RALGAPA1: variants seen among roughly 807,000 people sequenced by gnomAD.
RALGAPA1 encodes Ral GTPase activating protein catalytic subunit alpha 1.
A neutral mutation model predicts 269.6 loss-of-function variants in RALGAPA1; 52 were observed. The observed-to-expected ratio is 0.19, with a 90% CI of 0.15 to 0.24. The LOEUF (loss-of-function observed/expected upper bound fraction) is 0.24. Ranked by LOEUF, RALGAPA1 falls within the 10% of genes least tolerant of loss-of-function variation. The pLI, the probability that RALGAPA1 is intolerant of heterozygous loss-of-function variation, is 1.00. For missense variants in RALGAPA1, 1,917 were observed against 3,013.9 expected (o/e 0.64, Z 8.52); for synonymous variants, 817 against 1,008.3 (o/e 0.81, Z 3.60).
chr14:35,780,431 T>C (rs950449494), intron 1 of RALGAPA1, among the ~76,000 whole-genome samples: 6 of 152,174 alleles, frequency 3.9e-5, no homozygotes, highest in African/African-American at 7.2e-5. Flanking sequence ...TCTTTTCAAA[T>C]GCACATGGTA....
chr14:35,714,648 A>T (rs2068649673), intron 16 of RALGAPA1, among the ~76,000 whole-genome samples: 2 of 152,160 alleles, frequency 1.3e-5, no homozygotes, highest in South Asian at 2.1e-4. Context: ...TAATTCCAAA[A>T]TTACTATATT....
intron 39 of RALGAPA1, among the ~76,000 whole-genome samples, chr14:35,552,818 A>C (rs2055156778): frequency 6.6e-6 from 1 of 152,184 alleles, no homozygotes; most frequent in African/African-American, 2.4e-5. Flanking sequence ...AAAGGGGGGA[A>C]GGAATATTAT....
At position 35,688,667 on chromosome 14, in the gene RALGAPA1, TTGAC is replaced by T; in HGVS notation, c.3740_3743del (p.Ser1247AsnfsTer2). The T allele has an allele frequency of 2.0e-6, 3 of 1,499,582 alleles. No homozygotes were observed. Among genetic ancestry groups the T allele is most frequent in the Non-Finnish European group, 1.8e-6 (2 of 1,131,852 alleles). 92.9% of individuals were successfully genotyped at this position (1,499,582 alleles called of 1,614,324 possible). A position where few individuals can be genotyped will look rare whatever the true frequency, so the allele number is the denominator to read the frequency against. On this transcript the variant is annotated frameshift_variant, in exon 18 of 42. Coordinates refer to ENST00000680220, the MANE Select transcript of RALGAPA1 (RefSeq NM_001346249.2). LOFTEE classifies it high-confidence loss of function. ...ACCTAAGAGTACTACGACTACCTAA[TTGAC>T]TACTTGCAATTCCTTCTTTTTGTAA... is the stretch of plus-strand genomic sequence containing the variant.
At chr14:35,783,586 A>C (rs2075599566) in intron 1 of RALGAPA1, among the ~76,000 whole-genome samples, 1 of 152,220 alleles carries the variant, frequency 6.6e-6, no homozygotes. Flanking sequence ...ATCAAAATTC[A>C]AAACCTTTTT....
chr14:35,722,312 T>C (rs1202240498), intron 15 of RALGAPA1, among the ~76,000 whole-genome samples: 2 of 152,200 alleles, frequency 1.3e-5, no homozygotes, highest in East Asian at 3.8e-4. Flanking sequence ...CAACTAATAT[T>C]TAACAATGCA....
At chr14:35,592,978 A>G (rs1304320154) in intron 37 of RALGAPA1, among the ~76,000 whole-genome samples, 1 of 152,188 alleles carries the variant, frequency 6.6e-6, no homozygotes. Flanking sequence ...CACCTATTCA[A>G]GATAGTACTG....
rs564559702 is a variant in RALGAPA1, at chr14:35,678,052, T to A, written c.4522A>T (p.Thr1508Ser). The change falls in exon 22 of 42, where the codon ACT (threonine) becomes TCT (serine). Residue 1508 changes from threonine (T) to serine (S), a missense_variant. This residue lies in a region of RALGAPA1 where 615 missense variants were observed against 790.0 expected (regional missense o/e 0.78). Coordinates refer to ENST00000680220, the MANE Select transcript of RALGAPA1 (RefSeq NM_001346249.2). ...ATATTCAATGTAGAAGGGGAAGGAGTCTGTGACCTGGAGCCCAGAGGTGAG... is the reference window on the plus strand; with the variant it reads ...ATATTCAATGTAGAAGGGGAAGGAGACTGTGACCTGGAGCCCAGAGGTGAG... ...VHSPLGSRSQ[T>S]PSPSTLNIDH... The A allele has an allele frequency of 2.5e-6, 4 of 1,609,756 alleles. No individual in the cohort carries two copies. In the African/African-American group the frequency reaches 5.4e-5, roughly 22 times the overall value.
At chr14:35,786,043 G>C (rs1381821966) in intron 1 of RALGAPA1, among the ~76,000 whole-genome samples, 1 of 152,114 alleles carries the variant, frequency 6.6e-6, no homozygotes, top group Non-Finnish European at 1.5e-5. Context: ...TATGGTTCCA[G>C]CTACTCAGGA....
Position 35,721,716 on chromosome 14 carries a change from C to T in RALGAPA1, c.2238G>A (p.Ala746=), listed in dbSNP as rs145761488. The change falls in exon 16 of 42, where the codon GCG becomes GCA. Residue 746 remains alanine (A), a synonymous_variant. Transcript: ENST00000680220. The part of the protein sequence containing the change: ...TTTGSPGTEK[A]RSIVRQKTVA... ...CAGTTTTTTGCCGTACTATACTCCT[C>T]GCCTTTTCGGTTCCTGGAGAACCAG... 5.5e-4 allele frequency: 887 copies of T among 1,613,520 alleles called. 1 individual carries two copies. The highest frequency in any genetic ancestry group is 7.3e-4 in the Non-Finnish European group (862 of 1,179,890).
chr14:35,752,203 G>C, intron 7 of RALGAPA1, 41 bp from the exon 8 acceptor site: 1 of 1,454,594 alleles, frequency 6.9e-7, no homozygotes, highest in Non-Finnish European at 9.1e-7. Context: ...CCAGAAGAAA[G>C]AATCTCTTAA....
intron 16 of RALGAPA1, chr14:35,707,440 T>C (rs376433489): frequency 4.1e-4 from 63 of 152,198 alleles, no homozygotes; most frequent in African/African-American, 1.4e-3. Flanking sequence ...GTCCTGTGTT[T>C]TTATTTTTTA....
intron 39 of RALGAPA1, among the ~76,000 whole-genome samples, chr14:35,566,866 A>ATT (rs1006453652): frequency 2.1e-5 from 3 of 140,798 alleles, no homozygotes; most frequent in Admixed American, 7.1e-5. Context: ...AACTTTGTAC[A>ATT]TTATATATAT....
chr14:35,700,263 G>A lies in RALGAPA1; in HGVS notation c.2306C>T (p.Ser769Leu), dbSNP rs61734137. 16 of 1,532,996 alleles carry A rather than the reference G, an allele frequency of 1.0e-5. No individual in the cohort carries two copies. The African/African-American group carries it at 1.4e-4, about 13-fold the overall frequency. 95.0% of individuals were successfully genotyped at this position (1,532,996 alleles called of 1,614,324 possible). Residue 769 changes from serine to leucine, a missense_variant, in exon 17 of 42, where the codon TCG (serine) becomes TTG (leucine). Around this residue, in one of 11 missense-constraint regions of RALGAPA1, gnomAD observed 125 missense variants for 155.7 expected, o/e 0.80. Transcript: ENST00000680220. Reference protein sequence around the residue: ...SRSIGECALPSAYIRSAKSAP... With the variant: ...SRSIGECALPLAYIRSAKSAP... The stretch of plus-strand genomic sequence containing the variant: ...ACTTTTAGCACTGCGTATATAGGCC[G>A]ATGGCAGAGCACATTCACCAATGGA...
intron 37 of RALGAPA1, among the ~76,000 whole-genome samples, chr14:35,593,263 C>T (rs1014040239): frequency 2.6e-5 from 4 of 152,006 alleles, no homozygotes; most frequent in Non-Finnish European, 4.4e-5. Flanking sequence ...CATAAACATA[C>T]TTAGAAATAA....
rs142751104 is a variant in RALGAPA1, at chr14:35,715,441, A to G, written c.2266+6247T>C. On this transcript the variant is annotated intron_variant, in intron 16 of 41. Coordinates refer to ENST00000680220, the MANE Select transcript of RALGAPA1 (RefSeq NM_001346249.2). ...ATTTTCCTCTTCAAACATTTCAAAC[A>G]TGGTTATTTTATAGTCTGGTTATTT... is the stretch of plus-strand genomic sequence containing the variant. Among the ~76,000 whole-genome samples the G allele has an allele frequency of 3.2e-3, 486 of 152,172 alleles. 1 individual carries two copies. Among genetic ancestry groups the G allele is most frequent in the South Asian group, 4.6e-3 (22 of 4,824 alleles).
intron 35 of RALGAPA1, among the ~76,000 whole-genome samples, chr14:35,615,437 T>G (rs987021363): frequency 6.6e-6 from 1 of 152,170 alleles, no homozygotes; most frequent in African/African-American, 2.4e-5. Context: ...CCCGCCCTAG[T>G]CCTCCCTAGA....
At chr14:35,745,983 C>CAGG (rs2072055551) in intron 10 of RALGAPA1, among the ~76,000 whole-genome samples, 1 of 151,704 alleles carries the variant, frequency 6.6e-6, no homozygotes, top group African/African-American at 2.4e-5. Flanking sequence ...CCCAGCTACT[C>CAGG]AGGAGGCTGA....
intron 1 of RALGAPA1, among the ~76,000 whole-genome samples, chr14:35,795,359 A>G (rs1223307109): frequency 1.3e-5 from 2 of 152,168 alleles, no homozygotes; most frequent in Non-Finnish European, 2.9e-5. Context: ...CCAGGAGACT[A>G]GAGAGGGTCC....
chr14:35,614,920 G>T (rs2060159708), intron 35 of RALGAPA1, among the ~76,000 whole-genome samples: 1 of 152,032 alleles, frequency 6.6e-6, no homozygotes, highest in African/African-American at 2.4e-5. Context: ...AGAAGTATAT[G>T]TGCCATATAG....
Sources: gnomAD v4.1 joint callset for allele counts (sites outside exome capture counted in the v4.1 genomes callset) on GRCh38, gnomAD v4.1.1 for gene constraint, gnomAD v4.1.1 regional missense constraint, MANE v1.5 for transcripts, NCBI Gene and HGNC (gene_info 2026-07-23, HGNC 2026-07-21) for gene names.